The following ZIM2 variants were observed in gnomAD, a reference collection of about 807,000 sequenced individuals.
ZIM2 encodes zinc finger protein 656.
Under a neutral mutation model 38.6 loss-of-function variants are expected in ZIM2, and 14 were observed. The observed-to-expected ratio is 0.36, with a 90% CI of 0.24 to 0.57. The LOEUF (loss-of-function observed/expected upper bound fraction) is 0.57. ZIM2 is among the 20% of genes least tolerant of loss of function. The probability of loss-of-function intolerance (pLI) is 0.81; values close to 1 mark genes in which losing one functional copy is unlikely to be tolerated. For synonymous variants in ZIM2, 247 were observed against 245.8 expected, an observed-to-expected ratio of 1.00 and a Z score of -0.04; for missense variants, 680 against 695.1, an observed-to-expected ratio of 0.98 and a Z score of 0.24.
intron 1 of ZIM2, among the ~76,000 whole-genome samples, chr19:56,836,921 G>C (rs936688243): frequency 7.3e-6 from 1 of 137,634 alleles, no homozygotes. Flanking sequence ...AGTGAGCCAA[G>C]ATCACGCCAC....
intron 9 of ZIM2, chr19:56,810,205 A>G: frequency 1.0e-6 from 1 of 981,592 alleles, no homozygotes; most frequent in Non-Finnish European, 1.2e-6. Context: ...TGTTAACCAC[A>G]CTCTTTGGAT....
intron 9 of ZIM2, chr19:56,791,426 T>C (rs1260442399): frequency 6.6e-6 from 1 of 152,208 alleles, no homozygotes; most frequent in Non-Finnish European, 1.5e-5. Flanking sequence ...ATTTTAAAAA[T>C]TCTTTTAAGT....
intron 10 of ZIM2, among the ~76,000 whole-genome samples, chr19:56,784,381 T>C (rs1252962499): frequency 6.6e-6 from 1 of 152,198 alleles, no homozygotes; most frequent in Non-Finnish European, 1.5e-5. Context: ...AAAAAAAGAT[T>C]GTTAAAAGAG....
At chr19:56,800,667 A>C (rs1020565244) in intron 9 of ZIM2, among the ~76,000 whole-genome samples, 3 of 152,124 alleles carry the variant, frequency 2.0e-5, no homozygotes, top group African/African-American at 4.8e-5. Flanking sequence ...AAAAGAAATA[A>C]TTTTATATAA....
At chr19:56,832,618 G>A (rs1298557247) in intron 2 of ZIM2, among the ~76,000 whole-genome samples, 1 of 152,190 alleles carries the variant, frequency 6.6e-6, no homozygotes, top group African/African-American at 2.4e-5. Context: ...GGCACACAAG[G>A]GCTAGCTGAC....
chr19:56,792,815 A>AT (rs1183638791), intron 9 of ZIM2, among the ~76,000 whole-genome samples: 1 of 152,202 alleles, frequency 6.6e-6, no homozygotes, highest in Non-Finnish European at 1.5e-5. Context: ...TAAAATAAAA[A>AT]TTTTAAAATA....
intron 8 of ZIM2, 94 bp downstream of exon 8, chr19:56,818,506 T>C: frequency 7.9e-7 from 1 of 1,270,470 alleles, no homozygotes; most frequent in Non-Finnish European, 1.1e-6. Context: ...CCAAATATAT[T>C]AATGTGGACT....
intron 3 of ZIM2, chr19:56,824,823 A>G: frequency 1.6e-6 from 1 of 634,676 alleles, no homozygotes; most frequent in Non-Finnish European, 2.7e-6. Context: ...AGAGGCATCG[A>G]CAATGCTTTT....
Position 56,818,633 on chromosome 19 carries a change from T to C in ZIM2, c.364A>G (p.Asn122Asp). The stretch of plus-strand genomic sequence containing the variant: ...AGCAGCTTCCTGTAGTTTTCCATGT[T>C]GTCCTGGATTGTGTTGTGAGGTTTC... ...DRKPHNTIQD[N>D]MENYRKLLSL... The change falls in exon 8 of 13, where the codon AAC becomes GAC. Residue 122 changes from asparagine to aspartate, a missense_variant. By Grantham distance (23) the Asn-to-Asp change is conservative. Transcript: ENST00000629319. 6.2e-7 allele frequency: 1 copy of C among 1,614,150 alleles called. No homozygotes were observed. The highest frequency in any genetic ancestry group is 8.5e-7 in the Non-Finnish European group (1 of 1,180,024).
At chr19:56,802,584 C>G (rs1171577541) in intron 9 of ZIM2, among the ~76,000 whole-genome samples, 1 of 152,180 alleles carries the variant, frequency 6.6e-6, no homozygotes, top group Non-Finnish European at 1.5e-5. Context: ...TCCTTATACT[C>G]TATGGTCCAC....
Position 56,774,573 on chromosome 19 carries a change from A to G in ZIM2, c.*115T>C. 2 of 1,358,092 alleles carry G rather than the reference A, an allele frequency of 1.5e-6. No individual in the cohort carries two copies. Among genetic ancestry groups the G allele is most frequent in the Non-Finnish European group, 2.0e-6 (2 of 1,015,772 alleles). The allele number at this position is 1,358,092 out of a possible 1,614,324, so 84.1% of individuals were successfully genotyped here. On this transcript the variant is annotated 3_prime_UTR_variant, in exon 13 of 13. Coordinates refer to ENST00000629319, the MANE Select transcript of ZIM2 (RefSeq NM_001387356.1). ...TTTTTTTTTTTTTTACCACACTTTG[A>G]TGAATGTTCAAGTTGTTAACAAGGT...
chr19:56,798,584 G>A (rs765927768), intron 9 of ZIM2: 3 of 152,126 alleles, frequency 2.0e-5, no homozygotes, highest in Non-Finnish European at 2.9e-5. Context: ...GCCAAAAGCA[G>A]TAGCAACAAA....
chr19:56,812,093 T>C (rs890311374), intron 9 of ZIM2: 1 of 978,398 alleles, frequency 1.0e-6, no homozygotes, highest in Non-Finnish European at 1.2e-6. Flanking sequence ...TCAAATGATC[T>C]ACACTTACAT....
At chr19:56,826,176 C>A (rs1371577548) in intron 3 of ZIM2, among the ~76,000 whole-genome samples, 1 of 152,180 alleles carries the variant, frequency 6.6e-6, no homozygotes, top group Non-Finnish European at 1.5e-5. Context: ...ACCAGAGAGT[C>A]CAGGCTCCAG....
chr19:56,831,952 T>G (rs2061606841), intron 2 of ZIM2, among the ~76,000 whole-genome samples: 1 of 152,170 alleles, frequency 6.6e-6, no homozygotes, highest in Non-Finnish European at 1.5e-5. Context: ...AGACCTTGAG[T>G]GTGAACTGTT....
At chr19:56,811,788 CCT>C in intron 9 of ZIM2, 1 of 985,512 alleles carries the variant, frequency 1.0e-6, no homozygotes, top group South Asian at 4.7e-5. Flanking sequence ...ATCAAAAACT[CCT>C]TTTCCAAACT....
Position 56,775,429 on chromosome 19 carries a change from T to C in ZIM2, c.936A>G (p.Arg312=), listed in dbSNP as rs529123490. The change falls in exon 13 of 13, where the codon AGA becomes AGG. Residue 312 remains arginine, a synonymous_variant. Transcript: ENST00000629319. ...MNDPKTLTPE[R]SYGSDEFERS... is the part of the protein sequence containing the mutation. The stretch of plus-strand genomic sequence containing the variant: ...TCTCAAATTCATCACTGCCATAGCT[T>C]CTTTCCGGAGTGAGGGTCTTGGGGT... 2.2e-5 allele frequency: 35 copies of C among 1,614,128 alleles called. No individual in the cohort carries two copies. The South Asian group carries it at 3.8e-4, about 18-fold the overall frequency.
Position 56,774,724 on chromosome 19 carries a change from A to G in ZIM2, c.1641T>C (p.His547=), listed in dbSNP as rs2045917044. 21 of 1,614,006 alleles carry G rather than the reference A, an allele frequency of 1.3e-5. No homozygotes were observed. Among genetic ancestry groups the G allele is most frequent in the Non-Finnish European group, 1.5e-5 (18 of 1,180,014 alleles). The part of the protein sequence containing the change: ...PSYLTQHYQL[H]SQEKTVECDH... ...CGCACTCAACAGTTTTCTCTTGAGA[A>G]TGGAGTTGATAATGTTGAGTGAGGT... Residue 547 remains histidine, a synonymous_variant, in exon 13 of 13, where the codon CAT becomes CAC. Coordinates refer to ENST00000629319, the MANE Select transcript of ZIM2 (RefSeq NM_001387356.1).
In ZIM2 at chr19:56,817,692, T is replaced by C; in HGVS notation, c.490+54A>G. 3 of 1,563,542 alleles carry C rather than the reference T, an allele frequency of 1.9e-6. No individual in the cohort carries two copies. In the South Asian group the frequency reaches 3.3e-5, roughly 17 times the overall value. On this transcript the variant is annotated intron_variant, in intron 9 of 12. Transcript: ENST00000629319. ...AGGAATGCAAAGTGTAGAAGTTCCT[T>C]GATAGCATCTCACTGGTTGTGTGGC...
Sources: allele counts gnomAD v4.1 joint callset (sites outside exome capture counted in the v4.1 genomes callset), GRCh38; gene constraint gnomAD v4.1.1; transcripts MANE v1.5; gene names NCBI Gene and HGNC (gene_info 2026-07-23, HGNC 2026-07-21).